Variants in CEMIP2 observed in about 807,000 individuals in gnomAD.
The protein encoded by CEMIP2 is cell surface hyaluronidase CEMIP2.
Under a neutral mutation model 146.9 loss-of-function variants are expected in CEMIP2, and 79 were observed. That is an observed-to-expected ratio of 0.54 (90% CI 0.45 to 0.65). CEMIP2 has a LOEUF of 0.65. CEMIP2 is among the 30% of genes least tolerant of loss of function. The pLI is 0.00. For synonymous variants in CEMIP2, 601 were observed against 606.3 expected (o/e 0.99, Z 0.13); for missense variants, 1,596 against 1,696.2 (o/e 0.94, Z 1.04).
chr9:71,691,507 T>C (rs1309507988), intron 21 of CEMIP2, among the ~76,000 whole-genome samples: 3 of 151,990 alleles, frequency 2.0e-5, no homozygotes, highest in Admixed American at 6.5e-5. Flanking sequence ...AAGTAAATTT[T>C]ATATGTGGAA....
chr9:71,715,434 G>A (rs1302554188), intron 14 of CEMIP2, among the ~76,000 whole-genome samples: 2 of 150,782 alleles, frequency 1.3e-5, no homozygotes, highest in African/African-American at 2.4e-5. Context: ...TTGTGGAGAT[G>A]GGGTCTTGCT....
Position 71,750,123 on chromosome 9 carries a change from A to T in CEMIP2, c.251T>A (p.Ile84Asn). The change falls in exon 2 of 24, where the codon ATT becomes AAT. Residue 84 changes from isoleucine (I) to asparagine (N), a missense_variant. Ile to Asn is a moderately radical substitution (Grantham distance 149). Transcript: ENST00000377044. ...QKQKRHKNTF[I>N]CFAITSFSFF... ...TGAGAAACTAGTAATAGCAAAACAA[A>T]TGAAAGTATTTTTGTGTCTCTTTTG... 1.2e-6 allele frequency: 2 copies of T among 1,613,976 alleles called. No individual in the cohort carries two copies. The highest frequency in any genetic ancestry group is 1.7e-6 in the Non-Finnish European group (2 of 1,179,990).
In CEMIP2 at chr9:71,700,882, C is replaced by A. The variant is rs1261285668; in HGVS notation, c.3195-58G>T. On this transcript the variant is annotated intron_variant, in intron 18 of 23. Coordinates refer to ENST00000377044, the MANE Select transcript of CEMIP2 (RefSeq NM_013390.3). ...CACTTCAGCCATTATCTGTTAAGTA[C>A]TATAGCGTATGCAGATAACTGTCCT... The A allele has an allele frequency of 8.2e-6, 12 of 1,471,210 alleles. No homozygotes were observed. In the East Asian group the frequency reaches 2.8e-4, roughly 34 times the overall value. The allele number at this position is 1,471,210 out of a possible 1,614,324, so 91.1% of individuals were successfully genotyped here. A position where few individuals can be genotyped will look rare whatever the true frequency, so the allele number is the denominator to read the frequency against.
chr9:71,744,945 C>T, intron 4 of CEMIP2, 73 bp downstream of exon 4: 1 of 1,495,616 alleles, frequency 6.7e-7, no homozygotes, highest in Non-Finnish European at 9.0e-7. Context: ...GGCTGTGGCT[C>T]CTTTCCCCAC....
chr9:71,706,825 T>TTTA (rs150394190), intron 17 of CEMIP2, among the ~76,000 whole-genome samples: 19,800 of 151,492 alleles, frequency 0.13, 1,514 homozygotes, highest in South Asian at 0.25. Context: ...TATTTATTTA[T>TTTA]TTATTATTAT....
At chr9:71,767,080 C>A (rs1339439048) in intron 1 of CEMIP2, among the ~76,000 whole-genome samples, 2 of 152,254 alleles carry the variant, frequency 1.3e-5, no homozygotes, top group Non-Finnish European at 2.9e-5. Flanking sequence ...GACCCACAAC[C>A]ACAGTATGAT....
intron 2 of CEMIP2, among the ~76,000 whole-genome samples, chr9:71,747,600 G>A (rs1824125749): frequency 6.6e-6 from 1 of 152,168 alleles, no homozygotes; most frequent in Non-Finnish European, 1.5e-5. Context: ...AGCAAGATAT[G>A]CTTGAAAAAC....
chr9:71,692,297 ATT>A (rs10683724), intron 21 of CEMIP2, among the ~76,000 whole-genome samples: 17 of 78,886 alleles, frequency 2.2e-4, no homozygotes, highest in Admixed American at 1.2e-3. Context: ...CCTGCCTGAT[ATT>A]TTTTTTTTTT....
intron 2 of CEMIP2, among the ~76,000 whole-genome samples, chr9:71,749,555 A>T (rs1824185694): frequency 1.3e-5 from 2 of 151,982 alleles, no homozygotes; most frequent in African/African-American, 4.8e-5. Context: ...AAAATACAAA[A>T]ATTAGCCAGA....
At position 71,746,490 on chromosome 9, in the gene CEMIP2, C is replaced by A. The variant is rs984511060; in HGVS notation, c.332-149G>T. On this transcript the variant is annotated intron_variant, in intron 2 of 23. Coordinates refer to ENST00000377044, the MANE Select transcript of CEMIP2 (RefSeq NM_013390.3). ...CATTAGAATGGAAATCCCACGCCTT[C>A]CCACCAGCAGAGAACCATCTTACCC... The A allele has an allele frequency of 4.1e-5, 35 of 862,700 alleles. No homozygotes were observed. In the African/African-American group the frequency reaches 5.9e-4, roughly 14 times the overall value. The allele number at this position is 862,700 out of a possible 1,614,324, so 53.4% of individuals were successfully genotyped here.
At chr9:71,704,507 C>T (rs1822670488) in intron 18 of CEMIP2, 88 bp downstream of exon 18, 4 of 1,474,820 alleles carry the variant, frequency 2.7e-6, no homozygotes, top group African/African-American at 1.4e-5. Context: ...GCTTTCTTTG[C>T]TTGCTGCAAA....
intron 4 of CEMIP2, among the ~76,000 whole-genome samples, chr9:71,742,514 C>T (rs1166539142): frequency 2.6e-5 from 4 of 152,136 alleles, no homozygotes; most frequent in Admixed American, 1.3e-4. Flanking sequence ...TTGGAGATAA[C>T]GTCAATGCAA....
Position 71,762,503 on chromosome 9 carries a change from C to CAAAAAAAAAAAAA in CEMIP2, c.-13+5841_-13+5853dup, listed in dbSNP as rs58090104. On this transcript the variant is annotated intron_variant, in intron 1 of 23. Transcript: ENST00000377044. Reference sequence around the variant, plus strand: ...CAAGACCCCATGCCAGCCCCGTCACCAAAAAAAAAAAAAAAAAAAAAAACT... The same window carrying CAAAAAAAAAAAAA: ...CAAGACCCCATGCCAGCCCCGTCACCAAAAAAAAAAAAAAAAAAAAAAAAAAAAAAAAAAAACT... 2.4e-4 allele frequency among the ~76,000 whole-genome samples: 19 copies of CAAAAAAAAAAAAA among 79,736 alleles called. 3 individuals carry two copies. The highest frequency in any genetic ancestry group is 8.3e-4 in the African/African-American group (16 of 19,350). 52.3% of individuals were successfully genotyped at this position (79,736 alleles called of 152,430 possible).
At chr9:71,699,034 T>TAAAAAAAAAAAAAAAAAAA (rs34810834) in intron 19 of CEMIP2, among the ~76,000 whole-genome samples, 1 of 132,860 alleles carries the variant, frequency 7.5e-6, no homozygotes. Flanking sequence ...CTGAGAGCAT[T>TAAAAAAAAAAAAAAAAAAA]AAAAAAAAAA....
intron 1 of CEMIP2, among the ~76,000 whole-genome samples, chr9:71,760,300 A>C (rs1437568748): frequency 6.6e-6 from 1 of 152,244 alleles, no homozygotes; most frequent in African/African-American, 2.4e-5. Context: ...TAAAGTGGCC[A>C]CATCTTCGGC....
intron 12 of CEMIP2, among the ~76,000 whole-genome samples, chr9:71,721,556 T>C (rs1823232634): frequency 6.6e-6 from 1 of 152,206 alleles, no homozygotes; most frequent in Admixed American, 6.5e-5. Context: ...TCATGTCTTA[T>C]TAAAGTGTTG....
intron 15 of CEMIP2, among the ~76,000 whole-genome samples, chr9:71,714,313 T>G (rs1269627009): frequency 6.6e-6 from 1 of 152,190 alleles, no homozygotes; most frequent in Non-Finnish European, 1.5e-5. Flanking sequence ...AATTATTAGT[T>G]AATAGTTTCC....
At chr9:71,720,492 G>C (rs1351468634) in intron 12 of CEMIP2, among the ~76,000 whole-genome samples, 1 of 152,140 alleles carries the variant, frequency 6.6e-6, no homozygotes, top group African/African-American at 2.4e-5. Context: ...GGGCTTCACC[G>C]TGTTGGCCAG....
At chr9:71,767,909 C>A (rs1339088948) in intron 1 of CEMIP2, among the ~76,000 whole-genome samples, 1 of 152,216 alleles carries the variant, frequency 6.6e-6, no homozygotes, top group East Asian at 1.9e-4. Context: ...GAAGCCCGGA[C>A]TGCAAAGCAC....
Sources: gnomAD v4.1 joint callset for allele counts (sites outside exome capture counted in the v4.1 genomes callset) on GRCh38, gnomAD v4.1.1 for gene constraint, MANE v1.5 for transcripts, NCBI Gene and HGNC (gene_info 2026-07-23, HGNC 2026-07-21) for gene names.